The following SOX5 variants were observed in gnomAD, a reference collection of about 807,000 sequenced individuals.
SOX5 encodes transcription factor SOX-5.
In SOX5, 9 loss-of-function variants were observed where a neutral mutation model predicts 92.0. The ratio of observed to expected loss-of-function variants is 0.10; its 90% CI spans 0.06 to 0.17. SOX5 has a LOEUF of 0.17. Among genes scored for constraint, SOX5 ranks in the 10% least tolerant of loss-of-function variants. The pLI, the probability that SOX5 is intolerant of heterozygous loss-of-function variation, is 1.00. For synonymous variants in SOX5, 344 were observed against 336.3 expected (o/e 1.02, Z -0.25); for missense variants, 642 against 944.5 (o/e 0.68, Z 4.20).
intron 4 of SOX5, among the ~76,000 whole-genome samples, chr12:24,009,744 A>T (rs1952701701): frequency 6.6e-6 from 1 of 152,170 alleles, no homozygotes; most frequent in South Asian, 2.1e-4. Flanking sequence ...TTTATGATTA[A>T]ATTTTACAAA....
intron 2 of SOX5, among the ~76,000 whole-genome samples, chr12:24,277,501 TAAA>T (rs1944606957): frequency 2.3e-5 from 2 of 88,656 alleles, no homozygotes; most frequent in East Asian, 1.2e-3. Flanking sequence ...AATTTACATT[TAAA>T]TATATAAATA....
At chr12:24,155,658 G>A (rs1388172917) in intron 4 of SOX5, among the ~76,000 whole-genome samples, 1 of 152,246 alleles carries the variant, frequency 6.6e-6, no homozygotes, top group African/African-American at 2.4e-5. Context: ...AGATGTTTTA[G>A]GTTAACAATT....
At chr12:23,681,013 T>C (rs1351869087) in intron 6 of SOX5, among the ~76,000 whole-genome samples, 2 of 151,868 alleles carry the variant, frequency 1.3e-5, no homozygotes, top group African/African-American at 2.4e-5. Flanking sequence ...AAGATGCAAA[T>C]AGAATAGTGA....
At chr12:24,472,401 T>C (rs1944912493) in intron 1 of SOX5, among the ~76,000 whole-genome samples, 1 of 152,198 alleles carries the variant, frequency 6.6e-6, no homozygotes, top group Non-Finnish European at 1.5e-5. Context: ...ATACTCCTAA[T>C]TAGGAGAGAA....
chr12:24,478,675 T>C (rs1377993546), intron 1 of SOX5, among the ~76,000 whole-genome samples: 1 of 152,234 alleles, frequency 6.6e-6, no homozygotes, highest in East Asian at 1.9e-4. Context: ...GAGCATTATT[T>C]GTCAGCCCTC....
chr12:24,422,347 C>G (rs1352022422), intron 1 of SOX5, among the ~76,000 whole-genome samples: 1 of 152,074 alleles, frequency 6.6e-6, no homozygotes, highest in African/African-American at 2.4e-5. Flanking sequence ...ATGAGTAATT[C>G]TATCAAAAAA....
At chr12:24,293,057 C>T (rs1305194760) in intron 2 of SOX5, among the ~76,000 whole-genome samples, 1 of 152,116 alleles carries the variant, frequency 6.6e-6, no homozygotes, top group Non-Finnish European at 1.5e-5. Flanking sequence ...GATATACTGA[C>T]ATCACATGTA....
chr12:24,244,779 G>A (rs887679291), intron 3 of SOX5, among the ~76,000 whole-genome samples: 3 of 152,066 alleles, frequency 2.0e-5, no homozygotes, highest in African/African-American at 2.4e-5. Context: ...TGCAACCTCC[G>A]CCTCCTGAGT....
chr12:24,385,841 A>G (rs1032800169), intron 1 of SOX5, among the ~76,000 whole-genome samples: 1 of 145,704 alleles, frequency 6.9e-6, no homozygotes, highest in African/African-American at 2.5e-5. Context: ...CTGAGGCAGG[A>G]GGATCAATTG....
At chr12:24,274,798 T>TA (rs995990257) in intron 3 of SOX5, among the ~76,000 whole-genome samples, 5 of 152,134 alleles carry the variant, frequency 3.3e-5, no homozygotes, top group Admixed American at 6.6e-5. Context: ...ACATAATACT[T>TA]AAAAAAAATC....
chr12:23,598,989 C>A (rs1952966987), intron 9 of SOX5, among the ~76,000 whole-genome samples: 1 of 152,152 alleles, frequency 6.6e-6, no homozygotes, highest in South Asian at 2.1e-4. Context: ...ATGTGTACCA[C>A]AAATTGTGAC....
chr12:23,728,871 T>G (rs2093275591), intron 6 of SOX5, among the ~76,000 whole-genome samples: 1 of 152,136 alleles, frequency 6.6e-6, no homozygotes, highest in Admixed American at 6.6e-5. Flanking sequence ...TATGTGACAC[T>G]GGGAAAAATT....
At chr12:23,962,975 C>G (rs190119971) in intron 4 of SOX5, among the ~76,000 whole-genome samples, 1 of 152,212 alleles carries the variant, frequency 6.6e-6, no homozygotes, top group Admixed American at 6.5e-5. Context: ...CCAATTAAAA[C>G]TGTTAAATTA....
chr12:23,923,102 CG>C (rs1938885905), intron 1 of SOX5, among the ~76,000 whole-genome samples: 1 of 152,006 alleles, frequency 6.6e-6, no homozygotes, highest in African/African-American at 2.4e-5. Flanking sequence ...CCCGCCACAA[CG>C]CCCGGCTAAT....
At chr12:23,789,558 T>A (rs1022038875) in intron 3 of SOX5, among the ~76,000 whole-genome samples, 1 of 152,158 alleles carries the variant, frequency 6.6e-6, no homozygotes, top group African/African-American at 2.4e-5. Context: ...ACGGAAAATA[T>A]TAACCTAGAT....
intron 1 of SOX5, among the ~76,000 whole-genome samples, chr12:24,510,057 G>A (rs1221043067): frequency 1.3e-5 from 2 of 152,178 alleles, no homozygotes; most frequent in Non-Finnish European, 2.9e-5. Context: ...TAAGAAACAT[G>A]TCATCTGAAT....
chr12:23,788,406 A>G (rs997726098), intron 3 of SOX5, among the ~76,000 whole-genome samples: 4 of 152,064 alleles, frequency 2.6e-5, no homozygotes, highest in African/African-American at 9.6e-5. Flanking sequence ...AAATTTTCCC[A>G]TGGGTCCTCA....
intron 1 of SOX5, among the ~76,000 whole-genome samples, chr12:24,466,238 C>A (rs1445670564): frequency 6.6e-6 from 1 of 151,670 alleles, no homozygotes; most frequent in East Asian, 1.9e-4. Flanking sequence ...CTTTCTTCTT[C>A]TTTTCTTTCT....
chr12:23,586,252 T>C (rs1257656285), intron 9 of SOX5, among the ~76,000 whole-genome samples: 3 of 152,136 alleles, frequency 2.0e-5, no homozygotes. Context: ...ATTAGAACAG[T>C]TGTGCCATCT....
Sources: gnomAD v4.1 joint callset for allele counts (sites outside exome capture counted in the v4.1 genomes callset) on GRCh38, gnomAD v4.1.1 for gene constraint, MANE v1.5 for transcripts, NCBI Gene and HGNC (gene_info 2026-07-23, HGNC 2026-07-21) for gene names.